The following TBC1D2 variants were observed in gnomAD, a reference collection of about 807,000 sequenced individuals.
TBC1D2 encodes TBC1 domain family member 2.
TBC1D2 carries 58 observed loss-of-function variants against 91.1 expected under a neutral mutation model. That is an observed-to-expected ratio of 0.64 (90% CI 0.52 to 0.79). The LOEUF is 0.79. Ranked by LOEUF, TBC1D2 falls within the 30% of genes least tolerant of loss-of-function variation. The pLI is 0.00. For missense variants in TBC1D2, 1,080 were observed against 1,208.3 expected (o/e 0.89, Z 1.57); for synonymous variants, 482 against 511.5 (o/e 0.94, Z 0.78).
In TBC1D2 at chr9:98,208,964, GA is replaced by G; in HGVS notation, c.1853del (p.Leu618ProfsTer39). ...ALGDLVPSAE[L>X]KQLLRAGVPR... ...GTACTCCTGCCCGCAGTAGCTGCTT[GA>G]GCTCGGCTGAGGGCACAAGATCGCC... On this transcript the variant is annotated frameshift_variant, in exon 9 of 13. Transcript: ENST00000465784. LOFTEE classifies it high-confidence loss of function. 6.2e-7 allele frequency: 1 copy of G among 1,614,114 alleles called. No individual in the cohort carries two copies. Among genetic ancestry groups the G allele is most frequent in the Non-Finnish European group, 8.5e-7 (1 of 1,180,016 alleles).
At chr9:98,255,125 A>T in intron 1 of TBC1D2, 48 bp downstream of exon 1, 1 of 1,559,154 alleles carries the variant, frequency 6.4e-7, no homozygotes, top group South Asian at 1.2e-5. Flanking sequence ...CCCTGCGAAA[A>T]GGGGACCTCA....
At chr9:98,236,010 T>G (rs1402588184) in intron 3 of TBC1D2, among the ~76,000 whole-genome samples, 1 of 151,288 alleles carries the variant, frequency 6.6e-6, no homozygotes, top group Non-Finnish European at 1.5e-5. Flanking sequence ...TACTCCAGCC[T>G]GGGTGACAGA....
At chr9:98,231,896 G>A (rs1420676680) in intron 4 of TBC1D2, among the ~76,000 whole-genome samples, 1 of 152,258 alleles carries the variant, frequency 6.6e-6, no homozygotes, top group South Asian at 2.1e-4. Flanking sequence ...TCACAGCATG[G>A]TATATTCCTT....
chr9:98,253,627 G>A (rs1183321916), intron 1 of TBC1D2, among the ~76,000 whole-genome samples: 5 of 152,144 alleles, frequency 3.3e-5, no homozygotes, highest in South Asian at 2.1e-4. Flanking sequence ...ATTTGCTCAC[G>A]GTGCTCTCTT....
intron 3 of TBC1D2, among the ~76,000 whole-genome samples, chr9:98,240,032 T>C (rs977738224): frequency 3.9e-5 from 6 of 152,200 alleles, no homozygotes; most frequent in Admixed American, 3.9e-4. Context: ...TCTTTTGTTC[T>C]TGACTTTAGT....
intron 2 of TBC1D2, among the ~76,000 whole-genome samples, chr9:98,247,728 C>CAAAAAAAAAAAAAAAAAAAA (rs58713846): frequency 1.4e-5 from 1 of 70,838 alleles, no homozygotes; most frequent in Non-Finnish European, 3.0e-5. Flanking sequence ...GACTCCGTCT[C>CAAAAAAAAAAAAAAAAAAAA]AAAAAAAAAA....
chr9:98,204,791 T>C (rs1339536443), intron 9 of TBC1D2, among the ~76,000 whole-genome samples: 1 of 152,048 alleles, frequency 6.6e-6, no homozygotes, highest in Non-Finnish European at 1.5e-5. Context: ...CTCCGTTCTC[T>C]CAGAGCTGGT....
chr9:98,220,686 T>A, intron 6 of TBC1D2, 147 bp downstream of exon 6: 1 of 1,059,224 alleles, frequency 9.4e-7, no homozygotes, highest in Non-Finnish European at 1.4e-6. Context: ...AATATTCCCA[T>A]CAACATGTGT....
chr9:98,200,494 G>C (rs930772620), intron 11 of TBC1D2, 120 bp from the exon 12 acceptor site: 1 of 883,038 alleles, frequency 1.1e-6, no homozygotes. Context: ...CGGAAGTTGA[G>C]GCCTGGAGGC....
At chr9:98,209,743 T>TTCCTTCCTTCCC (rs3059559) in intron 8 of TBC1D2, among the ~76,000 whole-genome samples, 97 of 120,384 alleles carry the variant, frequency 8.1e-4, no homozygotes, top group Non-Finnish European at 4.4e-4. Flanking sequence ...CCTTCTTTCC[T>TTCCTTCCTTCCC]TTCCTTCCTT....
chr9:98,204,267 T>C (rs1828590495), intron 9 of TBC1D2, among the ~76,000 whole-genome samples: 1 of 152,200 alleles, frequency 6.6e-6, no homozygotes, highest in African/African-American at 2.4e-5. Context: ...TATTCAAAGA[T>C]ATCTGGGGAA....
In TBC1D2 at chr9:98,254,170, G is replaced by C. The variant is rs56200663; in HGVS notation, c.369+1003C>G. ...TAGCTGGAGTTGGGGTTGGAGGGGT[G>C]GACAGATGGGGATGGGGTGGGGAAG... is the stretch of plus-strand genomic sequence containing the variant. On this transcript the variant is annotated intron_variant, in intron 1 of 12. Coordinates refer to ENST00000465784, the MANE Select transcript of TBC1D2 (RefSeq NM_001267571.2). Among the ~76,000 whole-genome samples, 1,123 of 152,302 alleles carry C rather than the reference G, an allele frequency of 7.4e-3. 13 individuals carry two copies. The highest frequency in any genetic ancestry group is 0.026 in the African/African-American group (1,076 of 41,558).
Position 98,232,404 on chromosome 9 carries a change from C to T in TBC1D2, c.781+1012G>A, listed in dbSNP as rs564909877. The stretch of plus-strand genomic sequence containing the variant: ...GCATGATCACGGCTCACTGCAGCCT[C>T]GACCTCCCTGGCTCAAGTGATCCTC... On this transcript the variant is annotated intron_variant, in intron 4 of 12. Coordinates refer to ENST00000465784, the MANE Select transcript of TBC1D2 (RefSeq NM_001267571.2). Among the ~76,000 whole-genome samples, 38 of 145,878 alleles carry T rather than the reference C, an allele frequency of 2.6e-4. No homozygotes were observed. In the South Asian group the frequency reaches 6.6e-3, roughly 25 times the overall value.
chr9:98,231,466 CGTTTAACACA>C (rs929019489), intron 4 of TBC1D2, among the ~76,000 whole-genome samples: 12 of 151,890 alleles, frequency 7.9e-5, no homozygotes, highest in African/African-American at 2.4e-4. Flanking sequence ...GTGTAAACAC[CGTTTAACACA>C]GTTTAACACA....
At chr9:98,205,245 T>C (rs1430834802) in intron 9 of TBC1D2, among the ~76,000 whole-genome samples, 3 of 152,354 alleles carry the variant, frequency 2.0e-5, no homozygotes, top group African/African-American at 7.2e-5. Flanking sequence ...GGGAGTTAGC[T>C]GCCAGCATTG....
intron 2 of TBC1D2, 144 bp downstream of exon 2, chr9:98,251,641 T>C (rs1829875687): frequency 7.8e-7 from 1 of 1,281,044 alleles, no homozygotes; most frequent in Admixed American, 3.9e-5. Flanking sequence ...TCAGCCCAAA[T>C]TCTTGCCCTA....
Position 98,228,827 on chromosome 9 carries a change from C to T in TBC1D2, c.978+125G>A. 3.4e-6 allele frequency: 3 copies of T among 892,246 alleles called. No individual in the cohort carries two copies. The highest frequency in any genetic ancestry group is 5.2e-6 in the Non-Finnish European group (3 of 579,674). 55.3% of individuals were successfully genotyped at this position (892,246 alleles called of 1,614,324 possible). On this transcript the variant is annotated intron_variant, in intron 5 of 12. Transcript: ENST00000465784. This position sits in a 1 kb window ranked among gnomAD's most constrained non-coding sequence, Gnocchi z 4.0. ...CATATTTCAACATTCTGCAGTTTGG[C>T]CTTTAAAGACCAGAGAGTAGCTGGT...
chr9:98,203,190 C>T (rs3739667), intron 10 of TBC1D2, 98 bp downstream of exon 10: 903,462 of 1,541,148 alleles, frequency 0.59, 268,642 homozygotes, highest in African/African-American at 0.87. Flanking sequence ...AATGGAAGCC[C>T]GAGAGATTCC....
chr9:98,204,489 C>T (rs139397275), intron 9 of TBC1D2, among the ~76,000 whole-genome samples: 156 of 152,304 alleles, frequency 1.0e-3, no homozygotes, highest in African/African-American at 3.7e-3. Flanking sequence ...TTTAGAAAGC[C>T]TCTGACTCTC....
Sources: gnomAD v4.1 joint callset for allele counts (sites outside exome capture counted in the v4.1 genomes callset) on GRCh38, gnomAD v4.1.1 for gene constraint, Gnocchi (gnomAD v3.1) non-coding constraint, MANE v1.5 for transcripts, NCBI Gene and HGNC (gene_info 2026-07-23, HGNC 2026-07-21) for gene names.